Variants in SMYD3 observed in about 807,000 individuals in gnomAD.
The protein encoded by SMYD3 is histone-lysine N-methyltransferase SMYD3.
A neutral mutation model predicts 57.7 loss-of-function variants in SMYD3; 36 were observed. The ratio of observed to expected loss-of-function variants is 0.62; its 90% confidence interval spans 0.48 to 0.82. SMYD3 has a LOEUF of 0.82. Ranked by LOEUF, SMYD3 falls within the 40% of genes least tolerant of loss-of-function variation. The pLI, the probability that SMYD3 is intolerant of heterozygous loss-of-function variation, is 0.00. For missense variants in SMYD3, 515 were observed against 538.8 expected (o/e 0.96, Z 0.44); for synonymous variants, 211 against 195.0 (o/e 1.08, Z -0.68).
chr1:246,253,440 G>T (rs1300734214), intron 5 of SMYD3, among the ~76,000 whole-genome samples: 1 of 152,126 alleles, frequency 6.6e-6, no homozygotes, highest in Non-Finnish European at 1.5e-5. Flanking sequence ...TGCTGCAAAG[G>T]ACATGATTTT....
At chr1:245,915,783 G>T in intron 7 of SMYD3, 143 bp from the exon 8 acceptor site, 1 of 532,920 alleles carries the variant, frequency 1.9e-6, no homozygotes, top group Non-Finnish European at 3.3e-6. Context: ...ACTGCTTATA[G>T]TTTCTCTACC....
chr1:246,055,049 A>G (rs979020688), intron 5 of SMYD3, among the ~76,000 whole-genome samples: 31 of 151,818 alleles, frequency 2.0e-4, no homozygotes, highest in African/African-American at 7.3e-4. Flanking sequence ...GGTGGTGGGC[A>G]CCTGTAGTCC....
chr1:245,787,499 A>C (rs1169249645), intron 10 of SMYD3, among the ~76,000 whole-genome samples: 1 of 152,140 alleles, frequency 6.6e-6, no homozygotes, highest in East Asian at 1.9e-4. Context: ...TGAAGGACTC[A>C]CCAACGGCCT....
chr1:246,094,009 C>A (rs1032801398), intron 5 of SMYD3, among the ~76,000 whole-genome samples: 2 of 152,038 alleles, frequency 1.3e-5, no homozygotes, highest in African/African-American at 2.4e-5. Context: ...CGGACAGGGG[C>A]AGAGCTGTGT....
At chr1:246,384,686 T>C (rs902241051) in intron 1 of SMYD3, among the ~76,000 whole-genome samples, 15 of 152,162 alleles carry the variant, frequency 9.9e-5, no homozygotes, top group South Asian at 2.1e-4. Flanking sequence ...CGTGAGCCAC[T>C]GCACCTGGTC....
intron 5 of SMYD3, among the ~76,000 whole-genome samples, chr1:246,196,847 T>C (rs2062835805): frequency 6.6e-6 from 1 of 152,140 alleles, no homozygotes; most frequent in Admixed American, 6.6e-5. Context: ...TATTCTCCAA[T>C]TTCTAAATTC....
chr1:246,102,758 T>A (rs114349045), intron 5 of SMYD3, among the ~76,000 whole-genome samples: 2,319 of 149,010 alleles, frequency 0.016, 10 homozygotes, highest in African/African-American at 0.034. Context: ...AAAAAAAAAA[T>A]AATAATAATA....
rs148345490 is a variant in SMYD3, at chr1:246,393,796, C to T, written c.165-38702G>A. ...GCTTGACCCTGGGAAGTGAGGCTGC[C>T]GTGTGCCAAGATCGCGCCACTGCAC... On this transcript the variant is annotated intron_variant, in intron 1 of 11. Coordinates refer to ENST00000490107, the MANE Select transcript of SMYD3 (RefSeq NM_001167740.2). Among the ~76,000 whole-genome samples the T allele has an allele frequency of 2.0e-5, 3 of 152,040 alleles. No homozygotes were observed. The East Asian group carries it at 5.8e-4, about 29-fold the overall frequency.
chr1:245,955,184 C>T (rs909924236), intron 5 of SMYD3, among the ~76,000 whole-genome samples: 13 of 152,264 alleles, frequency 8.5e-5, no homozygotes, highest in East Asian at 3.9e-4. Flanking sequence ...TTCCGCCTCC[C>T]GGGTTCACGC....
intron 5 of SMYD3, among the ~76,000 whole-genome samples, chr1:246,047,598 G>A (rs1215732653): frequency 6.6e-6 from 1 of 152,196 alleles, no homozygotes; most frequent in Non-Finnish European, 1.5e-5. Flanking sequence ...AGCATTTTGG[G>A]AGGCTGAGGG....
intron 7 of SMYD3, among the ~76,000 whole-genome samples, chr1:245,918,418 T>C (rs1189549266): frequency 2.6e-5 from 4 of 152,176 alleles, no homozygotes; most frequent in Non-Finnish European, 4.4e-5. Context: ...GGAGTGTCCG[T>C]AGCACCGTCA....
At chr1:245,814,972 T>A (rs2048720390) in intron 10 of SMYD3, among the ~76,000 whole-genome samples, 1 of 152,040 alleles carries the variant, frequency 6.6e-6, no homozygotes, top group Non-Finnish European at 1.5e-5. Context: ...AGCTGTCCAT[T>A]GGTGCTCAAA....
At chr1:245,951,768 C>T (rs1162692389) in intron 5 of SMYD3, among the ~76,000 whole-genome samples, 3 of 151,888 alleles carry the variant, frequency 2.0e-5, no homozygotes, top group Admixed American at 1.3e-4. Flanking sequence ...AGTCACCCTA[C>T]TCTTCATTAT....
intron 5 of SMYD3, among the ~76,000 whole-genome samples, chr1:246,256,417 G>A (rs6426288): frequency 0.21 from 31,547 of 152,032 alleles, 3,987 homozygotes; most frequent in East Asian, 0.58. Flanking sequence ...AACCATCACA[G>A]TGTGTTTCCA....
chr1:246,426,015 G>C (rs1254230039), intron 1 of SMYD3: 1 of 151,270 alleles, frequency 6.6e-6, no homozygotes, highest in Admixed American at 6.6e-5. Context: ...TTTAAGACTA[G>C]TCAAGCGCAG....
At chr1:245,771,545 T>C (rs1003448138) in intron 10 of SMYD3, among the ~76,000 whole-genome samples, 5 of 152,196 alleles carry the variant, frequency 3.3e-5, no homozygotes, top group African/African-American at 1.2e-4. Context: ...CCAATGCTGT[T>C]TCAAGACATT....
intron 8 of SMYD3, among the ~76,000 whole-genome samples, chr1:245,903,571 G>C (rs1446303228): frequency 6.6e-6 from 1 of 152,122 alleles, no homozygotes; most frequent in Non-Finnish European, 1.5e-5. Context: ...ATTGCGAAAA[G>C]GGGCACTGAA....
intron 1 of SMYD3, among the ~76,000 whole-genome samples, chr1:246,490,028 G>A (rs1322450570): frequency 7.6e-6 from 1 of 130,940 alleles, no homozygotes; most frequent in African/African-American, 2.9e-5. Context: ...TTTTTGTCAG[G>A]ACAGGGTCCC....
intron 5 of SMYD3, among the ~76,000 whole-genome samples, chr1:246,013,106 T>C (rs1232878286): frequency 1.3e-5 from 2 of 152,318 alleles, no homozygotes; most frequent in South Asian, 2.1e-4. Flanking sequence ...GAGCTTTAAA[T>C]AGGAGAAAAG....
Sources: allele counts gnomAD v4.1 joint callset (sites outside exome capture counted in the v4.1 genomes callset), GRCh38; gene constraint gnomAD v4.1.1; transcripts MANE v1.5; gene names NCBI Gene and HGNC (gene_info 2026-07-23, HGNC 2026-07-21).